TDRD3: variants seen among roughly 807,000 people sequenced by gnomAD.
TDRD3 encodes the protein tudor domain-containing protein 3.
In TDRD3, 45 loss-of-function variants were observed where a neutral mutation model predicts 86.7. The observed-to-expected ratio is 0.52, with a 90% CI of 0.41 to 0.67. TDRD3 has a LOEUF of 0.67. TDRD3 is among the 30% of genes least tolerant of loss of function. The pLI, the probability that TDRD3 is intolerant of heterozygous loss-of-function variation, is 0.00. For synonymous variants in TDRD3, 298 were observed against 301.7 expected, an observed-to-expected ratio of 0.99 and a Z score of 0.13; for missense variants, 814 against 889.0, an observed-to-expected ratio of 0.92 and a Z score of 1.07.
At chr13:60,403,364 C>A (rs1360169007) in intron 1 of TDRD3, among the ~76,000 whole-genome samples, 2 of 152,126 alleles carry the variant, frequency 1.3e-5, no homozygotes, top group East Asian at 3.8e-4. Context: ...ATGTTTTCTC[C>A]TTTTGACAAA....
At chr13:60,458,194 A>C (rs1955722709) in intron 3 of TDRD3, among the ~76,000 whole-genome samples, 1 of 152,190 alleles carries the variant, frequency 6.6e-6, no homozygotes. Context: ...AACCAGATGT[A>C]GGAGATCACC....
At chr13:60,563,971 C>T (rs1958394982) in intron 12 of TDRD3, among the ~76,000 whole-genome samples, 1 of 152,110 alleles carries the variant, frequency 6.6e-6, no homozygotes, top group African/African-American at 2.4e-5. Flanking sequence ...CTCCTTTTTG[C>T]ATTGGTTTTT....
intron 4 of TDRD3, among the ~76,000 whole-genome samples, chr13:60,464,619 C>T (rs542716147): frequency 2.6e-4 from 40 of 152,038 alleles, no homozygotes; most frequent in African/African-American, 6.3e-4. Flanking sequence ...AATATTATTC[C>T]GCCATAAAAA....
chr13:60,545,044 G>C (rs557543379), intron 12 of TDRD3, among the ~76,000 whole-genome samples: 1 of 152,232 alleles, frequency 6.6e-6, no homozygotes, highest in African/African-American at 2.4e-5. Flanking sequence ...TAATATGATA[G>C]CTTTTCAACA....
intron 10 of TDRD3, among the ~76,000 whole-genome samples, chr13:60,522,889 T>G (rs1246296226): frequency 1.3e-5 from 2 of 152,238 alleles, no homozygotes; most frequent in East Asian, 3.8e-4. Context: ...CTGTTTTTTT[T>G]CCTCTGGGTG....
upstream of TDRD3, among the ~76,000 whole-genome samples, chr13:60,396,050 A>C (rs1594879463): frequency 6.6e-6 from 1 of 152,242 alleles, no homozygotes; most frequent in South Asian, 2.1e-4. Context: ...TTTTAGCTCC[A>C]CCCAGGGCAA....
At chr13:60,497,442 T>G (rs1956742942) in intron 8 of TDRD3, among the ~76,000 whole-genome samples, 1 of 152,192 alleles carries the variant, frequency 6.6e-6, no homozygotes, top group Non-Finnish European at 1.5e-5. Context: ...ACTACCTGAT[T>G]GGTCGGGTGT....
intron 12 of TDRD3, among the ~76,000 whole-genome samples, chr13:60,553,429 T>C (rs1958111708): frequency 6.6e-6 from 1 of 152,132 alleles, no homozygotes; most frequent in African/African-American, 2.4e-5. Flanking sequence ...AGTTCCAAAG[T>C]CGCTTCCACA....
At chr13:60,551,943 A>G (rs1958065628) in intron 12 of TDRD3, among the ~76,000 whole-genome samples, 1 of 152,168 alleles carries the variant, frequency 6.6e-6, no homozygotes, top group South Asian at 2.1e-4. Flanking sequence ...TGATTCAGTC[A>G]TGTCCCGCCA....
intron 1 of TDRD3, among the ~76,000 whole-genome samples, chr13:60,429,108 C>A (rs1954887796): frequency 6.6e-6 from 1 of 152,092 alleles, no homozygotes; most frequent in Non-Finnish European, 1.5e-5. Context: ...TATCAGCTGA[C>A]ATATATATGG....
chr13:60,466,974 G>GTTTTGTTTTTTTTTTTT (rs1566214732), intron 4 of TDRD3, among the ~76,000 whole-genome samples: 1 of 149,486 alleles, frequency 6.7e-6, no homozygotes, highest in Non-Finnish European at 1.5e-5. Context: ...ATGTGTGTGT[G>GTTTTGTTTTTTTTTTTT]TTTTTTTGTT....
In TDRD3 at chr13:60,529,042, C is replaced by G. The variant is rs1388454217; in HGVS notation, c.1817C>G (p.Ala606Gly). Reference protein sequence around the residue: ...KGRRIGPIKPAGPVTAVPCDD... With the variant: ...KGRRIGPIKPGGPVTAVPCDD... ...AGACGAATAGGACCTATTAAGCCAG[C>G]AGGACCTGTCACAGCTGTACCCTGT... The change falls in exon 11 of 14, where the codon GCA becomes GGA. Residue 606 changes from alanine to glycine, a missense_variant. Ala to Gly is a moderately conservative substitution (Grantham distance 60). Transcript: ENST00000377881. The G allele has an allele frequency of 1.2e-6, 2 of 1,614,000 alleles. No individual in the cohort carries two copies. Among genetic ancestry groups the G allele is most frequent in the Non-Finnish European group, 1.7e-6 (2 of 1,179,936 alleles).
rs181910253 is a variant in TDRD3 at position 60,398,984 on chromosome 13, C to T, written c.41+1579C>T. Among the ~76,000 whole-genome samples the T allele has an allele frequency of 4.5e-4, 68 of 152,276 alleles. 1 individual carries two copies. In the Middle Eastern group the frequency reaches 0.01, roughly 23 times the overall value. On this transcript the variant is annotated intron_variant, in intron 1 of 13. Coordinates refer to ENST00000377881, the MANE Select transcript of TDRD3 (RefSeq NM_001146070.2). Reference sequence around the variant, plus strand: ...CACTAGTAATATTTTCATTTACAAACTCAGTATTTTACTGCTTTCCAACAT... The same window carrying T: ...CACTAGTAATATTTTCATTTACAAATTCAGTATTTTACTGCTTTCCAACAT...
chr13:60,555,825 T>C (rs1006826392), intron 12 of TDRD3, among the ~76,000 whole-genome samples: 1 of 149,792 alleles, frequency 6.7e-6, no homozygotes, highest in Non-Finnish European at 1.5e-5. Flanking sequence ...TTACATAGGG[T>C]AGGAAAAAAA....
chr13:60,494,821 T>C (rs1245088609), intron 8 of TDRD3, among the ~76,000 whole-genome samples: 1 of 152,232 alleles, frequency 6.6e-6, no homozygotes, highest in African/African-American at 2.4e-5. Flanking sequence ...AATGGATTGA[T>C]AAAAAGCCAT....
chr13:60,556,240 TG>T (rs914485040), intron 12 of TDRD3, among the ~76,000 whole-genome samples: 24 of 152,334 alleles, frequency 1.6e-4, no homozygotes, highest in African/African-American at 5.5e-4. Context: ...AATAGGATCT[TG>T]GTTCAAGATT....
At chr13:60,509,729 G>A in intron 8 of TDRD3, 34 bp from the exon 9 acceptor site, 1 of 1,612,634 alleles carries the variant, frequency 6.2e-7, no homozygotes, top group Middle Eastern at 1.7e-4. Context: ...TTATCTGTGG[G>A]CTATCAGCCA....
chr13:60,508,760 C>G (rs1024171609), intron 8 of TDRD3, among the ~76,000 whole-genome samples: 2 of 152,134 alleles, frequency 1.3e-5, no homozygotes, highest in Non-Finnish European at 2.9e-5. Context: ...GCAAACTGAT[C>G]ACTGTAACCT....
At chr13:60,490,221 A>G (rs1451565441) in intron 7 of TDRD3, among the ~76,000 whole-genome samples, 1 of 152,192 alleles carries the variant, frequency 6.6e-6, no homozygotes, top group Non-Finnish European at 1.5e-5. Flanking sequence ...TCATAGTAAT[A>G]TAAGCATACT....
Sources: gnomAD v4.1 joint callset for allele counts (sites outside exome capture counted in the v4.1 genomes callset) on GRCh38, gnomAD v4.1.1 for gene constraint, MANE v1.5 for transcripts, NCBI Gene and HGNC (gene_info 2026-07-23, HGNC 2026-07-21) for gene names.